Variants in CHRFAM7A observed in about 807,000 individuals in gnomAD.
CHRFAM7A encodes the protein CHRNA7 (exons 5-10) and FAM7A (exons A-E) fusion.
Under a neutral mutation model 29.2 loss-of-function variants are expected in CHRFAM7A, and 3 were observed. That is an observed-to-expected ratio of 0.10 (90% CI 0.05 to 0.27). CHRFAM7A has a LOEUF of 0.27. Ranked by LOEUF, CHRFAM7A falls within the 10% of genes least tolerant of loss-of-function variation. The pLI, the probability that CHRFAM7A is intolerant of heterozygous loss-of-function variation, is 1.00. For missense variants in CHRFAM7A, 22 were observed against 328.0 expected, an observed-to-expected ratio of 0.07 and a Z score of 7.21; for synonymous variants, 7 against 135.4, an observed-to-expected ratio of 0.05 and a Z score of 6.58.
chr15:30,369,370 T>C (rs1312332160), intron 8 of CHRFAM7A, among the ~76,000 whole-genome samples: 2 of 147,076 alleles, frequency 1.4e-5, no homozygotes, highest in African/African-American at 5.1e-5. Flanking sequence ...TGATGAGCAA[T>C]TACACAGGCC....
At position 30,367,311 on chromosome 15, in the gene CHRFAM7A, C is replaced by T. The variant is rs912277792; in HGVS notation, c.720+107G>A. ...AAAAAAACAAACAAAAAACCCAAAG[C>T]TATTTCTTTAGGAATGCCCGTTTTT... On this transcript the variant is annotated intron_variant, in intron 9 of 9. Coordinates refer to ENST00000299847, the MANE Select transcript of CHRFAM7A (RefSeq NM_139320.2). The T allele has an allele frequency of 7.3e-6, 10 of 1,362,048 alleles. No individual in the cohort carries two copies. The African/African-American group carries it at 1.5e-4, about 20-fold the overall frequency. The allele number at this position is 1,362,048 out of a possible 1,614,324, so 84.4% of individuals were successfully genotyped here.
chr15:30,367,326 T>C lies in CHRFAM7A; in HGVS notation c.720+92A>G. ...AAACCCAAAGCTATTTCTTTAGGAATGCCCGTTTTTTGTGTGATTTTAAAA... is the reference window on the plus strand; with the variant it reads ...AAACCCAAAGCTATTTCTTTAGGAACGCCCGTTTTTTGTGTGATTTTAAAA... On this transcript the variant is annotated intron_variant, in intron 9 of 9. Coordinates refer to ENST00000299847, the MANE Select transcript of CHRFAM7A (RefSeq NM_139320.2). 1.4e-6 allele frequency: 2 copies of C among 1,464,250 alleles called. 1 individual carries two copies. The highest frequency in any genetic ancestry group is 2.9e-5 in the African/African-American group (2 of 69,804). 90.7% of individuals were successfully genotyped at this position (1,464,250 alleles called of 1,614,324 possible).
chr15:30,376,078 G>A (rs2058931350), intron 5 of CHRFAM7A, among the ~76,000 whole-genome samples: 1 of 150,764 alleles, frequency 6.6e-6, no homozygotes, highest in Admixed American at 6.6e-5. Flanking sequence ...TGTATGAGTG[G>A]TGTGAGTAGT....
Position 30,362,573 on chromosome 15 carries a change from A to ATGTAG in CHRFAM7A, c.958_959insCTACA (p.Met320ThrfsTer80). The ATGTAG allele has an allele frequency of 2.1e-6, 1 of 484,134 alleles. No homozygotes were observed. The highest frequency in any genetic ancestry group is 3.4e-6 in the Non-Finnish European group (1 of 292,166). The allele number at this position is 484,134 out of a possible 1,614,324, so 30.0% of individuals were successfully genotyped here. On this transcript the variant is annotated frameshift_variant, in exon 10 of 10. Coordinates refer to ENST00000299847, the MANE Select transcript of CHRFAM7A (RefSeq NM_139320.2). LOFTEE classifies it high-confidence loss of function. ...CTCATCGTGCGTGGGGGAGCAGGCCATGCGGCCACACACTACCCCAGAGTC... is the reference window on the plus strand; with the variant it reads ...CTCATCGTGCGTGGGGGAGCAGGCCATGTAGTGCGGCCACACACTACCCCAGAGTC...
chr15:30,367,347 T>A, intron 9 of CHRFAM7A, 71 bp downstream of exon 9: 1 of 1,543,436 alleles, frequency 6.5e-7, no homozygotes, highest in Non-Finnish European at 8.8e-7. Context: ...TGTGTGATTT[T>A]AAAAATAAAC....
At chr15:30,373,256 T>A in intron 5 of CHRFAM7A, 111 bp from the exon 6 acceptor site, 1 of 1,473,406 alleles carries the variant, frequency 6.8e-7, no homozygotes, top group East Asian at 2.3e-5. Flanking sequence ...GCTAACACAG[T>A]CCAGAGCAAA....
chr15:30,377,591 TTG>T (rs2058946317), intron 4 of CHRFAM7A, among the ~76,000 whole-genome samples: 1 of 130,468 alleles, frequency 7.7e-6, no homozygotes, highest in Non-Finnish European at 1.6e-5. Flanking sequence ...TTTTTTTTTT[TTG>T]AGACAGAGTC....
chr15:30,373,606 T>G (rs2140886322), intron 5 of CHRFAM7A, among the ~76,000 whole-genome samples: 1 of 120,794 alleles, frequency 8.3e-6, no homozygotes, highest in Non-Finnish European at 1.8e-5. Context: ...GAACACATGA[T>G]TATCGAGAAA....
intron 5 of CHRFAM7A, among the ~76,000 whole-genome samples, chr15:30,376,207 T>C (rs374996168): frequency 0.16 from 19,543 of 119,146 alleles, 53 homozygotes; most frequent in Non-Finnish European, 0.2. Flanking sequence ...TGAGTGGTTG[T>C]GAGTGGTGTG....
intron 5 of CHRFAM7A, among the ~76,000 whole-genome samples, chr15:30,375,741 T>C (rs1473364229): frequency 1.6e-4 from 23 of 142,804 alleles, no homozygotes; most frequent in African/African-American, 5.9e-4. Context: ...GAGTGGTGAG[T>C]GGTGTGTGGG....
At chr15:30,377,452 G>A (rs2058942469) in intron 4 of CHRFAM7A, among the ~76,000 whole-genome samples, 1 of 142,444 alleles carries the variant, frequency 7.0e-6, no homozygotes, top group East Asian at 2.0e-4. Context: ...GAAGAACAGA[G>A]GGTGGGTGAG....
At chr15:30,371,608 G>C (rs1273142203) in intron 7 of CHRFAM7A, among the ~76,000 whole-genome samples, 1 of 149,674 alleles carries the variant, frequency 6.7e-6, no homozygotes, top group African/African-American at 2.5e-5. Flanking sequence ...CAACCTTTCT[G>C]AACCTCATAC....
chr15:30,367,124 A>G (rs1722421594), intron 9 of CHRFAM7A, among the ~76,000 whole-genome samples: 2 of 150,552 alleles, frequency 1.3e-5, no homozygotes, highest in Admixed American at 6.7e-5. Flanking sequence ...TCTACTAAAA[A>G]TACAAAAAAA....
chr15:30,367,356 A>G, intron 9 of CHRFAM7A, 62 bp downstream of exon 9: 1 of 1,560,250 alleles, frequency 6.4e-7, no homozygotes, highest in South Asian at 1.1e-5. Context: ...TTAAAAATAA[A>G]CCCTAGGAGG....
intron 6 of CHRFAM7A, 47 bp from the exon 7 acceptor site, chr15:30,372,388 A>ACAGGGTAATTTATTG: frequency 1.1e-6 from 1 of 869,698 alleles, no homozygotes; most frequent in Non-Finnish European, 1.6e-6. Context: ...AATACAATAA[A>ACAGGGTAATTTATTG]TTACCCTGTT....
At chr15:30,366,787 A>G (rs562032888) in intron 9 of CHRFAM7A, among the ~76,000 whole-genome samples, 2 of 148,758 alleles carry the variant, frequency 1.3e-5, no homozygotes, top group South Asian at 4.2e-4. Flanking sequence ...ACTGCAGCAC[A>G]GTGCTTCACG....
intron 1 of CHRFAM7A, among the ~76,000 whole-genome samples, chr15:30,388,742 T>A: frequency 2.3e-5 from 2 of 88,120 alleles, no homozygotes; most frequent in African/African-American, 4.0e-5. Context: ...ACATTATGTA[T>A]AAAACCAGAA....
chr15:30,366,975 A>ACG (rs1291112366), intron 9 of CHRFAM7A, among the ~76,000 whole-genome samples: 1 of 149,158 alleles, frequency 6.7e-6, no homozygotes, highest in African/African-American at 2.5e-5. Context: ...TCAATAGGTG[A>ACG]CGAAATACAG....
intron 5 of CHRFAM7A, among the ~76,000 whole-genome samples, chr15:30,373,773 A>G (rs1282210798): frequency 1.9e-5 from 2 of 103,898 alleles, no homozygotes; most frequent in Admixed American, 2.0e-4. Flanking sequence ...TTGAGACCGG[A>G]CTGGGCAACA....
Sources: gnomAD v4.1 joint callset for allele counts (sites outside exome capture counted in the v4.1 genomes callset) on GRCh38, gnomAD v4.1.1 for gene constraint, MANE v1.5 for transcripts, NCBI Gene and HGNC (gene_info 2026-07-23, HGNC 2026-07-21) for gene names.